FAM114A1: variants seen among roughly 807,000 people sequenced by gnomAD.
The protein encoded by FAM114A1 is family with sequence similarity 114 member A1.
In FAM114A1, 62 loss-of-function variants were observed where a neutral mutation model predicts 64.3. The observed-to-expected ratio is 0.96, with a 90% CI of 0.79 to 1.19. The LOEUF (loss-of-function observed/expected upper bound fraction) is 1.19. Ranked by LOEUF, FAM114A1 falls within the 50% of genes most tolerant of loss-of-function variation. The pLI, the probability that FAM114A1 is intolerant of heterozygous loss-of-function variation, is 0.00. For missense variants in FAM114A1, 645 were observed against 676.3 expected, an observed-to-expected ratio of 0.95 and a Z score of 0.51; for synonymous variants, 254 against 251.1, an observed-to-expected ratio of 1.01 and a Z score of -0.11.
rs1720691928 is a variant in FAM114A1 at position 38,932,104 on chromosome 4, C to T, written c.1324-131C>T. The T allele has an allele frequency of 3.2e-5, 33 of 1,040,968 alleles. 1 individual carries two copies. The South Asian group carries it at 5.4e-4, about 17-fold the overall frequency. 64.5% of individuals were successfully genotyped at this position (1,040,968 alleles called of 1,614,324 possible). A position where few individuals can be genotyped will look rare whatever the true frequency, so the allele number is the denominator to read the frequency against. ...TTAAAGTCTTAGATATGCTTGTAATCATCAGGTTAACTATTTCGGGTTATA... is the reference window on the plus strand; with the variant it reads ...TTAAAGTCTTAGATATGCTTGTAATTATCAGGTTAACTATTTCGGGTTATA... On this transcript the variant is annotated intron_variant, in intron 11 of 14. Transcript: ENST00000358869.
At chr4:38,869,023 C>T (rs1043999199) in intron 2 of FAM114A1, among the ~76,000 whole-genome samples, 5 of 152,172 alleles carry the variant, frequency 3.3e-5, no homozygotes, top group Non-Finnish European at 7.3e-5. Context: ...GCGATTCAGA[C>T]CATAAAAGTA....
intron 3 of FAM114A1, among the ~76,000 whole-genome samples, chr4:38,889,461 C>A (rs935389340): frequency 6.6e-6 from 1 of 152,126 alleles, no homozygotes; most frequent in Non-Finnish European, 1.5e-5. Flanking sequence ...ATAGTTTCTT[C>A]TTATTATTTC....
intron 7 of FAM114A1, among the ~76,000 whole-genome samples, chr4:38,912,583 C>G (rs1333817064): frequency 6.6e-6 from 1 of 152,120 alleles, no homozygotes; most frequent in African/African-American, 2.4e-5. Context: ...AGGGTTTCAT[C>G]ATATTGGCCA....
chr4:38,879,094 G>T (rs1242418249), intron 3 of FAM114A1, among the ~76,000 whole-genome samples: 1 of 152,180 alleles, frequency 6.6e-6, no homozygotes, highest in African/African-American at 2.4e-5. Context: ...CCACCAAGAA[G>T]ACTATCCCAG....
intron 7 of FAM114A1, among the ~76,000 whole-genome samples, chr4:38,912,557 A>T (rs779995284): frequency 9.3e-5 from 14 of 151,172 alleles, no homozygotes; most frequent in Non-Finnish European, 1.8e-4. Flanking sequence ...TAATTTTTTG[A>T]ATTTTTAGTA....
chr4:38,914,838 C>G, intron 7 of FAM114A1, 83 bp from the exon 8 acceptor site: 1 of 1,464,562 alleles, frequency 6.8e-7, no homozygotes, highest in Non-Finnish European at 9.2e-7. Flanking sequence ...CAAAATCAGT[C>G]CTCCCAACCT....
In FAM114A1 at chr4:38,932,291, G is replaced by A. The variant is rs754310852; in HGVS notation, c.1380G>A (p.Glu460=). 7 of 1,613,918 alleles carry A rather than the reference G, an allele frequency of 4.3e-6. No individual in the cohort carries two copies. In the Admixed American group the frequency reaches 1.2e-4, roughly 27 times the overall value. ...CGGAGGTAACAGCGCGCTGTATTGA[G>A]CAGCTTCATAAAGTAGCAGAATTAA... ...SLAEVTARCI[E]QLHKVAELIL... is the part of the protein sequence containing the mutation. The change falls in exon 12 of 15, where the codon GAG becomes GAA. Residue 460 remains glutamate, a synonymous_variant. Transcript: ENST00000358869.
chr4:38,903,061 G>A (rs1046562873), intron 4 of FAM114A1, among the ~76,000 whole-genome samples: 23 of 151,570 alleles, frequency 1.5e-4, no homozygotes, highest in Non-Finnish European at 3.2e-4. Flanking sequence ...TATATTTCTG[G>A]TAGAATGCAG....
intron 2 of FAM114A1, 60 bp downstream of exon 2, chr4:38,868,606 G>A (rs1343792380): frequency 6.6e-6 from 1 of 152,390 alleles, no homozygotes; most frequent in Admixed American, 6.5e-5. Context: ...TTCTTAAGTA[G>A]GAAGACATCT....
At position 38,896,256 on chromosome 4, in the gene FAM114A1, C is replaced by T. The variant is rs558317394; in HGVS notation, c.436+4426C>T. Among the ~76,000 whole-genome samples the T allele has an allele frequency of 5.9e-5, 9 of 152,282 alleles. No homozygotes were observed. The South Asian group carries it at 1.7e-3, about 28-fold the overall frequency. On this transcript the variant is annotated intron_variant, in intron 4 of 14. Transcript: ENST00000358869. ...TGTTCATCACCACTGATCATCACTA[C>T]CCACCTCCTCCCCCCAAAATGAATG...
At chr4:38,912,083 A>C (rs771397431) in intron 7 of FAM114A1, among the ~76,000 whole-genome samples, 1 of 151,080 alleles carries the variant, frequency 6.6e-6, no homozygotes, top group Non-Finnish European at 1.5e-5. Context: ...CTGGTCCCGA[A>C]CTCCTGACCT....
intron 8 of FAM114A1, among the ~76,000 whole-genome samples, chr4:38,918,601 C>G (rs1371456478): frequency 1.3e-5 from 2 of 152,188 alleles, no homozygotes; most frequent in Non-Finnish European, 2.9e-5. Flanking sequence ...ATCTGAAATT[C>G]AAGCTTAGCT....
chr4:38,942,149 A>G (rs978461843), intron 14 of FAM114A1, among the ~76,000 whole-genome samples: 4 of 152,192 alleles, frequency 2.6e-5, no homozygotes, highest in Non-Finnish European at 5.9e-5. Context: ...ATTACTTCCC[A>G]TCAGGTCCCT....
intron 4 of FAM114A1, among the ~76,000 whole-genome samples, chr4:38,900,588 T>C (rs1190202574): frequency 6.6e-6 from 1 of 151,652 alleles, no homozygotes; most frequent in Admixed American, 6.6e-5. Flanking sequence ...AATTCTGACA[T>C]ATGTTACAAC....
intron 3 of FAM114A1, among the ~76,000 whole-genome samples, chr4:38,881,014 G>A (rs1715214565): frequency 1.3e-5 from 2 of 151,938 alleles, no homozygotes; most frequent in African/African-American, 2.4e-5. Context: ...GTGAAACCCC[G>A]TCTCTACTAA....
chr4:38,936,776 C>A (rs1721146282), intron 13 of FAM114A1, among the ~76,000 whole-genome samples: 1 of 152,074 alleles, frequency 6.6e-6, no homozygotes, highest in East Asian at 2.0e-4. Flanking sequence ...TGGTCTTAAA[C>A]TCCTGACCTA....
intron 8 of FAM114A1, 143 bp from the exon 9 acceptor site, chr4:38,922,627 C>T (rs2109752522): frequency 3.0e-6 from 3 of 1,003,940 alleles, no homozygotes; most frequent in Non-Finnish European, 4.3e-6. Context: ...GCACAGTTAA[C>T]ATGCATCAAG....
chr4:38,898,927 ATATATGTTATATATT>A (rs1299490102), intron 4 of FAM114A1, among the ~76,000 whole-genome samples: 1 of 147,818 alleles, frequency 6.8e-6, no homozygotes, highest in Non-Finnish European at 1.5e-5. Context: ...TATATGTTAT[ATATATGTTATATATT>A]TATATGTTAT....
At chr4:38,886,977 A>G (rs892408798) in intron 3 of FAM114A1, among the ~76,000 whole-genome samples, 1 of 151,864 alleles carries the variant, frequency 6.6e-6, no homozygotes, top group Admixed American at 6.6e-5. Flanking sequence ...AGCAGCTTGC[A>G]TAGAAAAAGG....
Sources: gnomAD v4.1 joint callset for allele counts (sites outside exome capture counted in the v4.1 genomes callset) on GRCh38, gnomAD v4.1.1 for gene constraint, MANE v1.5 for transcripts, NCBI Gene and HGNC (gene_info 2026-07-23, HGNC 2026-07-21) for gene names.